FBXO4: variants seen among roughly 807,000 people sequenced by gnomAD.
FBXO4 encodes the protein F-box only protein 4.
A neutral mutation model predicts 43.7 loss-of-function variants in FBXO4; 36 were observed. The ratio of observed to expected loss-of-function variants is 0.82; its 90% CI spans 0.63 to 1.09. The LOEUF (loss-of-function observed/expected upper bound fraction) is 1.09. Ranked by LOEUF, FBXO4 falls within the 50% of genes least tolerant of loss-of-function variation. The probability of loss-of-function intolerance (pLI) is 0.00; values close to 1 mark genes in which losing one functional copy is unlikely to be tolerated. For missense variants in FBXO4, 435 were observed against 474.1 expected (o/e 0.92, Z 0.77); for synonymous variants, 180 against 165.6 (o/e 1.09, Z -0.67).
chr5:42,029,424 T>A, the FBXO4 span, among the ~76,000 whole-genome samples: 2 of 152,008 alleles, frequency 1.3e-5, no homozygotes, highest in Admixed American at 1.3e-4. Context: ...GAGGTGGTAT[T>A]CTTTGAGTTA....
chr5:41,979,882 A>G, the FBXO4 span, among the ~76,000 whole-genome samples: 3 of 152,190 alleles, frequency 2.0e-5, no homozygotes, highest in Admixed American at 6.6e-5. Flanking sequence ...CCCTTCACAG[A>G]CTTTCTTTCT....
At chr5:41,994,550 T>C in the FBXO4 span, among the ~76,000 whole-genome samples, 2 of 152,184 alleles carry the variant, frequency 1.3e-5, no homozygotes, top group African/African-American at 2.4e-5. Flanking sequence ...CCCTGCCGGA[T>C]TGGACTGTTG....
At chr5:41,936,966 AAATG>A (rs1351301732) in intron 5 of FBXO4, among the ~76,000 whole-genome samples, 3 of 152,182 alleles carry the variant, frequency 2.0e-5, no homozygotes, top group Non-Finnish European at 4.4e-5. Context: ...GACAATACGT[AAATG>A]AATGGACAGA....
At chr5:41,988,625 G>A in the FBXO4 span, among the ~76,000 whole-genome samples, 1 of 152,138 alleles carries the variant, frequency 6.6e-6, no homozygotes, top group East Asian at 1.9e-4. Context: ...GGGTTTCATG[G>A]AGGTTGCGGC....
chr5:41,929,896 T>G lies in FBXO4; in HGVS notation c.625T>G (p.Leu209Val), dbSNP rs2112571454. ...AGAGGAACTTTGCCCAACAGCTGGTTTGCCTCAGAGGCAGATTGATGGTAA... is the reference window on the plus strand; with the variant it reads ...AGAGGAACTTTGCCCAACAGCTGGTGTGCCTCAGAGGCAGATTGATGGTAA... ...SSEELCPTAG[L>V]PQRQIDGIGS... The change falls in exon 3 of 7, where the codon TTG becomes GTG. Residue 209 changes from leucine (L) to valine (V), a missense_variant. Transcript: ENST00000281623. The G allele has an allele frequency of 1.2e-6, 2 of 1,613,158 alleles. No homozygotes were observed. Among genetic ancestry groups the G allele is most frequent in the East Asian group, 4.5e-5 (2 of 44,872 alleles).
the FBXO4 span, among the ~76,000 whole-genome samples, chr5:42,031,842 T>G: frequency 6.6e-6 from 1 of 152,044 alleles, no homozygotes; most frequent in Admixed American, 6.6e-5. Context: ...GCATTCTAGA[T>G]ATTCGGTAAG....
chr5:42,009,048 G>C, the FBXO4 span, among the ~76,000 whole-genome samples: 1 of 152,092 alleles, frequency 6.6e-6, no homozygotes, highest in Non-Finnish European at 1.5e-5. Context: ...AAGCACATAG[G>C]CCTCATTCCC....
the FBXO4 span, among the ~76,000 whole-genome samples, chr5:42,027,360 T>C: frequency 6.6e-6 from 1 of 151,936 alleles, no homozygotes; most frequent in African/African-American, 2.4e-5. Context: ...TAGTCTCTAC[T>C]GATCCTTTGA....
At chr5:41,930,102 C>CT in intron 3 of FBXO4, 185 bp downstream of exon 3, 1 of 545,566 alleles carries the variant, frequency 1.8e-6, no homozygotes, top group Non-Finnish European at 3.2e-6. Context: ...AAAGCTTCCT[C>CT]TTAATTCCTC....
At chr5:42,024,765 T>A in the FBXO4 span, among the ~76,000 whole-genome samples, 1 of 151,842 alleles carries the variant, frequency 6.6e-6, no homozygotes, top group African/African-American at 2.4e-5. Flanking sequence ...GTTCAATTGT[T>A]TTGATTTTTA....
chr5:41,942,423 C>CT (rs967343914), downstream of FBXO4, among the ~76,000 whole-genome samples: 10 of 150,432 alleles, frequency 6.6e-5, no homozygotes, highest in Middle Eastern at 6.8e-3. Flanking sequence ...TATCAGCTAT[C>CT]TTTTTTTAAA....
the FBXO4 span, among the ~76,000 whole-genome samples, chr5:41,999,461 GTGTGTA>G: frequency 1.6e-5 from 1 of 62,728 alleles, no homozygotes; most frequent in Non-Finnish European, 2.9e-5. Flanking sequence ...GTGTGTGTGT[GTGTGTA>G]TATATATATA....
chr5:41,947,863 G>A, the FBXO4 span, among the ~76,000 whole-genome samples: 4 of 152,164 alleles, frequency 2.6e-5, no homozygotes, highest in Non-Finnish European at 5.9e-5. Context: ...GGCTCAAGAA[G>A]TAGGGATCAG....
At chr5:41,990,366 T>C in the FBXO4 span, among the ~76,000 whole-genome samples, 4 of 152,232 alleles carry the variant, frequency 2.6e-5, no homozygotes, top group Non-Finnish European at 5.9e-5. Flanking sequence ...GTATTCATAG[T>C]CATTGCTTTA....
the FBXO4 span, among the ~76,000 whole-genome samples, chr5:42,037,342 C>T: frequency 1.6e-4 from 25 of 151,986 alleles, no homozygotes; most frequent in Non-Finnish European, 2.6e-4. Context: ...CTTTTTAGCC[C>T]TGATAGAAAG....
chr5:41,989,739 T>C, the FBXO4 span, among the ~76,000 whole-genome samples: 4 of 152,196 alleles, frequency 2.6e-5, no homozygotes, highest in African/African-American at 7.2e-5. Flanking sequence ...CATCCCAAAA[T>C]AGCTCCCCAT....
At chr5:42,001,813 C>T in the FBXO4 span, among the ~76,000 whole-genome samples, 3 of 152,052 alleles carry the variant, frequency 2.0e-5, no homozygotes, top group Non-Finnish European at 2.9e-5. Context: ...TGCTCAGCCT[C>T]CCTAGTAGTT....
chr5:42,011,885 T>G, the FBXO4 span, among the ~76,000 whole-genome samples: 1 of 152,218 alleles, frequency 6.6e-6, no homozygotes, highest in African/African-American at 2.4e-5. Context: ...GAATGTGTTT[T>G]GTTGTTGTTG....
At chr5:41,992,928 G>C in the FBXO4 span, among the ~76,000 whole-genome samples, 2 of 152,148 alleles carry the variant, frequency 1.3e-5, no homozygotes, top group Non-Finnish European at 2.9e-5. Context: ...AGAAATAAAT[G>C]CATTCTTCAA....
Sources: gnomAD v4.1 joint callset for allele counts (sites outside exome capture counted in the v4.1 genomes callset) on GRCh38, gnomAD v4.1.1 for gene constraint, MANE v1.5 for transcripts, NCBI Gene and HGNC (gene_info 2026-07-23, HGNC 2026-07-21) for gene names.